DCHS2: variants seen among roughly 807,000 people sequenced by gnomAD.
DCHS2 encodes the protein dachsous cadherin-related 2, also known as protocadherin-23.
In DCHS2, 142 loss-of-function variants were observed where a neutral mutation model predicts 182.4. The observed-to-expected ratio is 0.78, with a 90% CI of 0.68 to 0.89. The LOEUF (loss-of-function observed/expected upper bound fraction) is 0.89. Among genes scored for constraint, DCHS2 ranks in the 40% least tolerant of loss-of-function variants. The pLI is 0.00. For synonymous variants in DCHS2, 1,740 were observed against 1,663.3 expected (o/e 1.05, Z -1.12); for missense variants, 4,319 against 4,198.6 (o/e 1.03, Z -0.79).
chr4:154,424,506 C>G (rs930879372), intron 1 of DCHS2, among the ~76,000 whole-genome samples: 6 of 152,154 alleles, frequency 3.9e-5, no homozygotes, highest in Non-Finnish European at 8.8e-5. Context: ...TGAAAGCAAG[C>G]TACAGATCCA....
chr4:154,282,248 T>C (rs1347313523), intron 13 of DCHS2, among the ~76,000 whole-genome samples: 2 of 152,136 alleles, frequency 1.3e-5, no homozygotes, highest in South Asian at 2.1e-4. Context: ...AGGGAACTTA[T>C]ATAATAAGAG....
intron 1 of DCHS2, among the ~76,000 whole-genome samples, chr4:154,446,569 A>G (rs1170518819): frequency 1.3e-5 from 2 of 152,154 alleles, no homozygotes; most frequent in Non-Finnish European, 2.9e-5. Flanking sequence ...CAGATGAGGA[A>G]ACTGAGTCAG....
chr4:154,480,696 C>T (rs1276573998), intron 1 of DCHS2, among the ~76,000 whole-genome samples: 1 of 152,008 alleles, frequency 6.6e-6, no homozygotes, highest in Non-Finnish European at 1.5e-5. Context: ...CATGCATAAA[C>T]AATTTACTTG....
In DCHS2 at chr4:154,236,104, G is replaced by A. The variant is rs112424317; in HGVS notation, c.8548C>T (p.Leu2850Phe). The change falls in exon 20 of 20, where the codon CTC (leucine) becomes TTC (phenylalanine). Residue 2850 changes from leucine to phenylalanine, a missense_variant. Coordinates refer to ENST00000357232, the MANE Select transcript of DCHS2 (RefSeq NM_001358235.2). ...CCTTTGTCTTTGGCTTGGACTGTGAGGCAGTATTTATTGCCATTTTCATAG... is the reference window on the plus strand; with the variant it reads ...CCTTTGTCTTTGGCTTGGACTGTGAAGCAGTATTTATTGCCATTTTCATAG... Reference protein sequence around the residue: ...LDYENGNKYCLTVQAKDKGDA... With the variant: ...LDYENGNKYCFTVQAKDKGDA... 4.3e-6 allele frequency: 7 copies of A among 1,613,682 alleles called. No individual in the cohort carries two copies. Among genetic ancestry groups the A allele is most frequent in the African/African-American group, 4.0e-5 (3 of 75,014 alleles).
intron 16 of DCHS2, among the ~76,000 whole-genome samples, chr4:154,247,669 A>G (rs985567014): frequency 4.2e-5 from 6 of 143,374 alleles, no homozygotes; most frequent in Admixed American, 7.3e-5. Flanking sequence ...AAAAAAAAAA[A>G]AAAGAATTAG....
At position 154,491,432 on chromosome 4, in the gene DCHS2, C is replaced by T. The variant is rs553507384; in HGVS notation, c.-77G>A. On this transcript the variant is annotated 5_prime_UTR_variant, in exon 1 of 20. Transcript: ENST00000357232. The stretch of plus-strand genomic sequence containing the variant: ...GGATCGCAGAAAAATCCAGGAGCCT[C>T]TTCAGTGTCTGAGCCAGAGAAGAAA... 2.4e-4 allele frequency: 351 copies of T among 1,437,292 alleles called. 1 individual carries two copies. In the African/African-American group the frequency reaches 4.2e-3, roughly 17 times the overall value. 89.0% of individuals were successfully genotyped at this position (1,437,292 alleles called of 1,614,324 possible).
chr4:154,356,250 G>T (rs1459428565), intron 3 of DCHS2, among the ~76,000 whole-genome samples: 4 of 151,926 alleles, frequency 2.6e-5, no homozygotes, highest in African/African-American at 9.7e-5. Flanking sequence ...ACAAAGAAAA[G>T]CTTATACAAT....
At chr4:154,473,318 T>G (rs1735550506) in intron 1 of DCHS2, among the ~76,000 whole-genome samples, 1 of 152,232 alleles carries the variant, frequency 6.6e-6, no homozygotes. Flanking sequence ...ACAGTGATCA[T>G]TCCGTTAAAC....
chr4:154,399,390 T>C (rs1206383968), intron 1 of DCHS2, among the ~76,000 whole-genome samples: 1 of 152,186 alleles, frequency 6.6e-6, no homozygotes, highest in Non-Finnish European at 1.5e-5. Flanking sequence ...TGGAAATACA[T>C]ATTTTAAGTA....
At chr4:154,376,800 T>C (rs1024668202) in intron 2 of DCHS2, among the ~76,000 whole-genome samples, 27 of 152,168 alleles carry the variant, frequency 1.8e-4, no homozygotes, top group African/African-American at 5.1e-4. Context: ...ATTTAGCATG[T>C]GGAAAATCTA....
At chr4:154,468,889 T>TA (rs2111013455) in intron 1 of DCHS2, among the ~76,000 whole-genome samples, 1 of 152,222 alleles carries the variant, frequency 6.6e-6, no homozygotes, top group East Asian at 1.9e-4. Flanking sequence ...TGAAGGCACT[T>TA]AGAGACTGGT....
At position 154,347,570 on chromosome 4, in the gene DCHS2, T is replaced by C. The variant is rs890479018; in HGVS notation, c.2477-12466A>G. Among the ~76,000 whole-genome samples the C allele has an allele frequency of 5.9e-5, 9 of 151,880 alleles. 1 individual carries two copies. Among genetic ancestry groups the C allele is most frequent in the African/African-American group, 2.2e-4 (9 of 41,170 alleles). Reference sequence around the variant, plus strand: ...TGTACTACAGTATAGTACTACAAAGTACTGTAGCATAGTGTCTGACATATA... The same window carrying C: ...TGTACTACAGTATAGTACTACAAAGCACTGTAGCATAGTGTCTGACATATA... On this transcript the variant is annotated intron_variant, in intron 3 of 19. Coordinates refer to ENST00000357232, the MANE Select transcript of DCHS2 (RefSeq NM_001358235.2).
intron 1 of DCHS2, among the ~76,000 whole-genome samples, chr4:154,423,340 T>C (rs1733188236): frequency 6.6e-6 from 1 of 152,244 alleles, no homozygotes; most frequent in Admixed American, 6.5e-5. Context: ...TCCTAGAACA[T>C]AATGTTTTCA....
chr4:154,463,345 G>A lies in DCHS2; in HGVS notation c.2052+25959C>T, dbSNP rs568505829. 1.6e-4 allele frequency among the ~76,000 whole-genome samples: 25 copies of A among 151,810 alleles called. No homozygotes were observed. In the South Asian group the frequency reaches 4.2e-3, roughly 25 times the overall value. ...ATAGGCTTTTTTCCCCCAATATAAG[G>A]CCTTAAGATCCCCAACTATTAATTT... On this transcript the variant is annotated intron_variant, in intron 1 of 19. Coordinates refer to ENST00000357232, the MANE Select transcript of DCHS2 (RefSeq NM_001358235.2).
intron 1 of DCHS2, among the ~76,000 whole-genome samples, chr4:154,399,474 C>T (rs985436111): frequency 2.0e-5 from 3 of 152,120 alleles, no homozygotes; most frequent in Non-Finnish European, 4.4e-5. Flanking sequence ...TGTGTTGAGG[C>T]GTGGTGATTC....
intron 3 of DCHS2, among the ~76,000 whole-genome samples, chr4:154,365,888 T>C (rs1730327944): frequency 6.6e-6 from 1 of 151,656 alleles, no homozygotes; most frequent in African/African-American, 2.4e-5. Flanking sequence ...GACCTCTTGA[T>C]CCACCCACCT....
At chr4:154,417,234 A>AGAGAGAGAGAGAGAGAGAGG (rs1560745967) in intron 1 of DCHS2, among the ~76,000 whole-genome samples, 1 of 150,282 alleles carries the variant, frequency 6.7e-6, no homozygotes, top group African/African-American at 2.5e-5. Context: ...AGAGAGAGAG[A>AGAGAGAGAGAGAGAGAGAGG]GAGAGAGAGA....
intron 1 of DCHS2, among the ~76,000 whole-genome samples, chr4:154,405,987 C>T (rs1579053190): frequency 6.6e-6 from 1 of 152,328 alleles, no homozygotes; most frequent in East Asian, 1.9e-4. Flanking sequence ...ATCCTTATTG[C>T]TAAGGTGTGG....
rs1735053373 is a variant in DCHS2 at position 154,298,441 on chromosome 4, A to G, written c.5873T>C (p.Val1958Ala). 2 of 1,614,060 alleles carry G rather than the reference A, an allele frequency of 1.2e-6. No individual in the cohort carries two copies. Among genetic ancestry groups the G allele is most frequent in the East Asian group, 2.2e-5 (1 of 44,892 alleles). ...VGTVVLVLSA[V>A]DKDEGLNGQT... ...CCCATTCAGGCCTTCATCCTTGTCC[A>G]CAGCTGAAAGCACAAGAACCACTGT... Residue 1958 changes from valine (V) to alanine (A), a missense_variant, in exon 13 of 20, where the codon GTG (valine) becomes GCG (alanine). Coordinates refer to ENST00000357232, the MANE Select transcript of DCHS2 (RefSeq NM_001358235.2).
Sources: allele counts gnomAD v4.1 joint callset (sites outside exome capture counted in the v4.1 genomes callset), GRCh38; gene constraint gnomAD v4.1.1; transcripts MANE v1.5; gene names NCBI Gene and HGNC (gene_info 2026-07-23, HGNC 2026-07-21).